The following FGL1 variants were observed in gnomAD, a reference collection of about 807,000 sequenced individuals.
The protein encoded by FGL1 is fibrinogen-like protein 1.
Under a neutral mutation model 43.7 loss-of-function variants are expected in FGL1, and 59 were observed. The observed-to-expected ratio is 1.35, with a 90% CI of 1.10 to 1.68. The LOEUF is 1.68. Among genes scored for constraint, FGL1 ranks in the 40% most tolerant of loss-of-function variants. The pLI, the probability that FGL1 is intolerant of heterozygous loss-of-function variation, is 0.00. For missense variants in FGL1, 596 were observed against 373.0 expected, an observed-to-expected ratio of 1.60 and a Z score of -4.92; for synonymous variants, 192 against 126.5, an observed-to-expected ratio of 1.52 and a Z score of -3.48.
chr8:17,877,987 G>T (rs1434180102), intron 3 of FGL1, among the ~76,000 whole-genome samples: 2 of 151,980 alleles, frequency 1.3e-5, no homozygotes, highest in Non-Finnish European at 2.9e-5. Flanking sequence ...TATTTGAGAC[G>T]GGTCTCACTC....
chr8:17,873,007 C>G (rs35306946), intron 5 of FGL1, among the ~76,000 whole-genome samples: 2 of 152,098 alleles, frequency 1.3e-5, no homozygotes, highest in African/African-American at 4.8e-5. Flanking sequence ...AAACTTCTTT[C>G]AAATTGGTTG....
Position 17,874,094 on chromosome 8 carries a change from C to T in FGL1, c.427G>A (p.Gly143Ser), listed in dbSNP as rs927999715. The change falls in exon 5 of 8, where the codon GGC becomes AGC. Residue 143 changes from glycine (G) to serine (S), a missense_variant. Physicochemically the swap from Gly to Ser is moderately conservative, Grantham distance 56. Transcript: ENST00000427924. ...TGTTTTTGGACAAAATTTCCAAAGC[C>T]ATTTTCATAGTCTTTCCATCCTCTA... Reference protein sequence around the residue: ...FNRGWKDYENGFGNFVQKHGE... With the variant: ...FNRGWKDYENSFGNFVQKHGE... 3 of 1,610,320 alleles carry T rather than the reference C, an allele frequency of 1.9e-6. No individual in the cohort carries two copies. Among genetic ancestry groups the T allele is most frequent in the Non-Finnish European group, 2.5e-6 (3 of 1,179,012 alleles).
At chr8:17,881,951 G>C (rs764411634) in intron 3 of FGL1, 48 bp downstream of exon 3, 1 of 1,518,842 alleles carries the variant, frequency 6.6e-7, no homozygotes, top group Admixed American at 1.7e-5. Context: ...ACTGTACATG[G>C]GTGCATAATG....
chr8:17,877,795 T>C (rs2131717394), intron 3 of FGL1, among the ~76,000 whole-genome samples: 2 of 152,310 alleles, frequency 1.3e-5, no homozygotes, highest in Admixed American at 1.3e-4. Flanking sequence ...CTCTTTGTTA[T>C]TTTTAAATGT....
At chr8:17,865,981 C>G (rs1231811659) in intron 7 of FGL1, among the ~76,000 whole-genome samples, 3 of 152,076 alleles carry the variant, frequency 2.0e-5, no homozygotes, top group African/African-American at 7.2e-5. Flanking sequence ...CTGCAAATGT[C>G]AAAGCCTACT....
At chr8:17,880,111 G>C (rs1307881879) in intron 3 of FGL1, among the ~76,000 whole-genome samples, 1 of 152,144 alleles carries the variant, frequency 6.6e-6, no homozygotes, top group Non-Finnish European at 1.5e-5. Context: ...GTTCCTCTTG[G>C]CTCCAGAGGC....
intron 7 of FGL1, among the ~76,000 whole-genome samples, chr8:17,865,538 C>T (rs1235477086): frequency 6.6e-6 from 1 of 152,102 alleles, no homozygotes; most frequent in Non-Finnish European, 1.5e-5. Context: ...ATCATTTTTT[C>T]CTAGTTGCTG....
At chr8:17,883,335 T>C (rs1365715287) in intron 2 of FGL1, among the ~76,000 whole-genome samples, 1 of 108,570 alleles carries the variant, frequency 9.2e-6, no homozygotes, top group African/African-American at 3.9e-5. Flanking sequence ...TATAATATAT[T>C]AAATAATATA....
chr8:17,869,699 A>G (rs886602123), intron 5 of FGL1, among the ~76,000 whole-genome samples: 2 of 152,234 alleles, frequency 1.3e-5, no homozygotes, highest in African/African-American at 4.8e-5. Context: ...GAAATGCTGT[A>G]CCACCAACAT....
At chr8:17,881,099 T>C (rs1353653745) in intron 3 of FGL1, among the ~76,000 whole-genome samples, 4 of 151,166 alleles carry the variant, frequency 2.6e-5, no homozygotes, top group African/African-American at 7.3e-5. Context: ...AAAGCTCAAA[T>C]GCAAAAATTC....
intron 5 of FGL1, among the ~76,000 whole-genome samples, chr8:17,870,186 T>C (rs1484905820): frequency 6.6e-6 from 1 of 152,156 alleles, no homozygotes; most frequent in Non-Finnish European, 1.5e-5. Context: ...TAAAGAATGA[T>C]ATATGATGAC....
intron 2 of FGL1, among the ~76,000 whole-genome samples, chr8:17,883,619 G>C (rs151222261): frequency 0.01 from 1,461 of 139,392 alleles, 32 homozygotes; most frequent in African/African-American, 0.037. Context: ...GATTTATATA[G>C]TATATATTAT....
At chr8:17,881,527 CAG>C (rs990272294) in intron 3 of FGL1, among the ~76,000 whole-genome samples, 1 of 150,332 alleles carries the variant, frequency 6.7e-6, no homozygotes, top group African/African-American at 2.4e-5. Flanking sequence ...AATGCCCTGG[CAG>C]AGATAGAAAA....
intron 1 of FGL1, among the ~76,000 whole-genome samples, chr8:17,893,409 T>C (rs564169351): frequency 2.0e-5 from 3 of 150,302 alleles, no homozygotes; most frequent in South Asian, 2.1e-4. Context: ...ATACATAATA[T>C]GTATATATTA....
intron 3 of FGL1, among the ~76,000 whole-genome samples, chr8:17,875,533 T>TCTCTC (rs2053436900): frequency 1.7e-4 from 2 of 11,846 alleles, no homozygotes; most frequent in African/African-American, 4.6e-4. Flanking sequence ...CTTTCTTTCT[T>TCTCTC]TCTCTTTCTT....
intron 3 of FGL1, among the ~76,000 whole-genome samples, chr8:17,875,355 T>G (rs2053428761): frequency 6.6e-6 from 1 of 152,180 alleles, no homozygotes; most frequent in South Asian, 2.1e-4. Context: ...CCATACATTC[T>G]TAGATGTTTT....
rs140059917 is a variant in FGL1, at chr8:17,868,643, A to G, written c.684T>C (p.Ser228=). 157 of 1,614,110 alleles carry G rather than the reference A, an allele frequency of 9.7e-5. No homozygotes were observed. In the African/African-American group the frequency reaches 1.5e-3, roughly 16 times the overall value. Residue 228 remains serine (S), a synonymous_variant, in exon 7 of 8, where the codon AGT becomes AGC. Transcript: ENST00000427924. ...ACGTGCTGAATTTCATTCTTTGGTG[A>G]CTAGCCCACCACTGCACCTCAGGAT... is the stretch of plus-strand genomic sequence containing the variant. The part of the protein sequence containing the change: ...NFHPEVQWWA[S]HQRMKFSTWD...
At chr8:17,885,007 T>C (rs903417985) in intron 2 of FGL1, among the ~76,000 whole-genome samples, 67 of 152,212 alleles carry the variant, frequency 4.4e-4, no homozygotes, top group African/African-American at 1.5e-3. Context: ...AATTACTTAT[T>C]TATTATGAAT....
intron 1 of FGL1, 197 bp downstream of exon 1, chr8:17,895,250 A>G (rs1466603024): frequency 3.2e-6 from 3 of 943,270 alleles, no homozygotes; most frequent in African/African-American, 3.5e-5. Context: ...GTATATTTGT[A>G]TATCTGTATA....
Sources: allele counts gnomAD v4.1 joint callset (sites outside exome capture counted in the v4.1 genomes callset), GRCh38; gene constraint gnomAD v4.1.1; transcripts MANE v1.5; gene names NCBI Gene and HGNC (gene_info 2026-07-23, HGNC 2026-07-21).